Variants in DIS3L2 observed in about 807,000 individuals in gnomAD.
The protein encoded by DIS3L2 is DIS3 like 3'-5' exoribonuclease 2.
A neutral mutation model predicts 97.5 loss-of-function variants in DIS3L2; 34 were observed. That is an observed-to-expected ratio of 0.35 (90% confidence interval 0.27 to 0.46). DIS3L2 has a LOEUF of 0.46. DIS3L2 is among the 20% of genes least tolerant of loss of function. The pLI is 1.00. For missense variants in DIS3L2, 1,038 were observed against 1,146.0 expected (o/e 0.91, Z 1.36); for synonymous variants, 435 against 445.2 (o/e 0.98, Z 0.29).
intron 1 of DIS3L2, among the ~76,000 whole-genome samples, chr2:231,969,564 G>A (rs1692833512): frequency 1.3e-5 from 2 of 152,196 alleles, no homozygotes. Context: ...GTCCGCCTCA[G>A]CCTCCCAAAG....
rs1321037253 is a variant in DIS3L2, at chr2:232,229,590, A to G, written c.1205-8943A>G. Among the ~76,000 whole-genome samples, 7 of 152,244 alleles carry G rather than the reference A, an allele frequency of 4.6e-5. No homozygotes were observed. The East Asian group carries it at 5.8e-4, about 13-fold the overall frequency. ...TCCTCATTCTCTTTCCTGTTAATGA[A>G]GAAGGCCATTGCTCAAGTCATTTGG... On this transcript the variant is annotated intron_variant, in intron 10 of 20. Coordinates refer to ENST00000325385, the MANE Select transcript of DIS3L2 (RefSeq NM_152383.5).
chr2:232,261,478 T>C (rs1480279860), intron 12 of DIS3L2, among the ~76,000 whole-genome samples: 1 of 152,022 alleles, frequency 6.6e-6, no homozygotes, highest in Non-Finnish European at 1.5e-5. Flanking sequence ...GCTTCCCAGG[T>C]TTTTTCATGT....
intron 1 of DIS3L2, among the ~76,000 whole-genome samples, chr2:232,007,303 G>T (rs1238108522): frequency 6.6e-6 from 1 of 152,220 alleles, no homozygotes; most frequent in Non-Finnish European, 1.5e-5. Context: ...TTTTGTCTGG[G>T]AGAAGAGTGA....
intron 1 of DIS3L2, among the ~76,000 whole-genome samples, chr2:232,012,088 C>T (rs1694215732): frequency 6.6e-6 from 1 of 152,228 alleles, no homozygotes; most frequent in African/African-American, 2.4e-5. Context: ...TTTTCTCAGT[C>T]CTGCGTTCTT....
chr2:232,016,359 A>C, intron 3 of DIS3L2, among the ~76,000 whole-genome samples: 1 of 152,214 alleles, frequency 6.6e-6, no homozygotes, highest in East Asian at 1.9e-4. Flanking sequence ...GCTGTACTTC[A>C]GCTTGCAGCC....
Position 232,154,911 on chromosome 2 carries a change from C to CGTTT in DIS3L2, c.951-8547_951-8544dup, listed in dbSNP as rs1690438736. On this transcript the variant is annotated intron_variant, in intron 8 of 20. Coordinates refer to ENST00000325385, the MANE Select transcript of DIS3L2 (RefSeq NM_152383.5). ...TGTGGGATATAGTCTCGTGGTGCGC[C>CGTTT]GTTTCTTAAGCCGGTCTGAAAAGCG... Among the ~76,000 whole-genome samples, 3 of 73,010 alleles carry CGTTT rather than the reference C, an allele frequency of 4.1e-5. No individual in the cohort carries two copies. The South Asian group carries it at 1.4e-3, about 35-fold the overall frequency. 47.9% of individuals were successfully genotyped at this position (73,010 alleles called of 152,430 possible). A position where few individuals can be genotyped will look rare whatever the true frequency, so the allele number is the denominator to read the frequency against.
At position 232,343,451 on chromosome 2, in the gene DIS3L2, G is replaced by A. The variant is rs562056053; in HGVS notation, c.1688G>A (p.Arg563Gln). ...ACAGAGGAACGCCTGCCTGAGACTCGGGGCATATGTGACAGGGATCCAGAC... is the reference window on the plus strand; with the variant it reads ...ACAGAGGAACGCCTGCCTGAGACTCAGGGCATATGTGACAGGGATCCAGAC... Residue 563 changes from arginine (R) to glutamine (Q), a missense_variant, in exon 14 of 14, where the codon CGG becomes CAG. By Grantham distance (43) the Arg-to-Gln change is conservative (BLOSUM62 1). Transcript: ENST00000273009. 79 of 1,555,884 alleles carry A rather than the reference G, an allele frequency of 5.1e-5. No individual in the cohort carries two copies. In the African/African-American group the frequency reaches 8.2e-4, roughly 16 times the overall value.
intron 3 of DIS3L2, among the ~76,000 whole-genome samples, chr2:232,022,169 T>C (rs1364598290): frequency 6.6e-6 from 1 of 152,266 alleles, no homozygotes; most frequent in East Asian, 1.9e-4. Context: ...TAGGAACAAC[T>C]CTGGTCTGCT....
At chr2:232,344,024 C>T (rs1415826720) in exon 14 of DIS3L2, 2 of 161,172 alleles carry the variant, frequency 1.2e-5, no homozygotes, top group African/African-American at 4.8e-5. Context: ...GCCTCGTCAT[C>T]TGGTGTACTG....
At chr2:232,059,756 A>G (rs760956694) in intron 5 of DIS3L2, among the ~76,000 whole-genome samples, 1 of 152,114 alleles carries the variant, frequency 6.6e-6, no homozygotes, top group African/African-American at 2.4e-5. Flanking sequence ...TTCCTGAGCT[A>G]ATTTACTTAG....
At chr2:232,316,564 GGATTCTGTTC>G (rs771848685) in intron 14 of DIS3L2, among the ~76,000 whole-genome samples, 6 of 152,160 alleles carry the variant, frequency 3.9e-5, no homozygotes, top group Non-Finnish European at 7.4e-5. Context: ...CAAGCTGTTA[GGATTCTGTTC>G]AATGGGAGGA....
rs891506780 is a variant in DIS3L2, at chr2:232,325,041, A to G, written c.1740-4772A>G. On this transcript the variant is annotated intron_variant, in intron 14 of 20. Coordinates refer to ENST00000325385, the MANE Select transcript of DIS3L2 (RefSeq NM_152383.5). This position sits in a 1 kb window ranked among gnomAD's most constrained non-coding sequence, Gnocchi z 4.6. Reference sequence around the variant, plus strand: ...CCCAGCCTTTCAGCTGAGCAGAGAAATACTCAGATCCAGTTCCTCGATGGT... The same window carrying G: ...CCCAGCCTTTCAGCTGAGCAGAGAAGTACTCAGATCCAGTTCCTCGATGGT... Among the ~76,000 whole-genome samples the G allele has an allele frequency of 3.9e-5, 6 of 152,232 alleles. No individual in the cohort carries two copies. The highest frequency in any genetic ancestry group is 1.2e-4 in the African/African-American group (5 of 41,460).
At chr2:232,017,302 T>C (rs997130035) in intron 3 of DIS3L2, among the ~76,000 whole-genome samples, 22 of 152,164 alleles carry the variant, frequency 1.4e-4, no homozygotes, top group African/African-American at 2.4e-4. Context: ...TTTCACCATG[T>C]TGGCCAGGCT....
At chr2:232,301,100 T>G (rs1021944576) in intron 14 of DIS3L2, among the ~76,000 whole-genome samples, 38 of 152,244 alleles carry the variant, frequency 2.5e-4, no homozygotes, top group African/African-American at 7.5e-4. Context: ...GGCACAGTAC[T>G]GGGGACTTTA....
intron 11 of DIS3L2, among the ~76,000 whole-genome samples, chr2:232,245,912 A>G (rs115568531): frequency 0.014 from 2,078 of 152,370 alleles, 25 homozygotes; most frequent in Middle Eastern, 0.024. Flanking sequence ...AGTCTCTAGT[A>G]TATTTCATAA....
intron 19 of DIS3L2, 91 bp downstream of exon 19, chr2:232,334,826 C>T: frequency 7.3e-6 from 8 of 1,090,822 alleles, no homozygotes; most frequent in Non-Finnish European, 1.1e-5. Context: ...CACACTCCAC[C>T]CCTCGCTCCC....
chr2:232,075,502 A>G (rs1194690490), intron 5 of DIS3L2, among the ~76,000 whole-genome samples: 1 of 152,134 alleles, frequency 6.6e-6, no homozygotes, highest in Non-Finnish European at 1.5e-5. Flanking sequence ...TTTTCAGTAG[A>G]CACTTGGCCC....
chr2:232,302,502 A>G (rs1044672113), intron 14 of DIS3L2, among the ~76,000 whole-genome samples: 44 of 151,206 alleles, frequency 2.9e-4, no homozygotes, highest in Non-Finnish European at 5.3e-4. Flanking sequence ...CTCAATCTTT[A>G]GACAACTTTC....
intron 13 of DIS3L2, among the ~76,000 whole-genome samples, chr2:232,285,675 A>G (rs1346105441): frequency 6.6e-6 from 1 of 151,488 alleles, no homozygotes; most frequent in Non-Finnish European, 1.5e-5. Flanking sequence ...GCCGGGGTTG[A>G]TTTATGTATT....
Sources: gnomAD v4.1 joint callset for allele counts (sites outside exome capture counted in the v4.1 genomes callset) on GRCh38, gnomAD v4.1.1 for gene constraint, Gnocchi (gnomAD v3.1) non-coding constraint, MANE v1.5 for transcripts, NCBI Gene and HGNC (gene_info 2026-07-23, HGNC 2026-07-21) for gene names.